The following KCNQ5 variants were observed in gnomAD, a reference collection of about 807,000 sequenced individuals.
The protein encoded by KCNQ5 is potassium voltage-gated channel subfamily Q member 5, also known as potassium voltage-gated channel subfamily KQT member 5.
In KCNQ5, 30 loss-of-function variants were observed where a neutral mutation model predicts 98.2. The ratio of observed to expected loss-of-function variants is 0.31; its 90% confidence interval spans 0.23 to 0.41. The LOEUF is 0.41. KCNQ5 is among the 10% of genes least tolerant of loss of function. KCNQ5 has a pLI of 1.00. For synonymous variants in KCNQ5, 458 were observed against 449.4 expected (o/e 1.02, Z -0.24); for missense variants, 835 against 1,182.5 (o/e 0.71, Z 4.31).
chr6:73,013,304 G>T (rs931139549), intron 2 of KCNQ5, among the ~76,000 whole-genome samples: 1 of 152,054 alleles, frequency 6.6e-6, no homozygotes, highest in Non-Finnish European at 1.5e-5. Context: ...AGTGCTTGTG[G>T]CTTTATATCT....
intron 11 of KCNQ5, among the ~76,000 whole-genome samples, chr6:73,185,052 C>T (rs926435989): frequency 3.9e-5 from 6 of 152,210 alleles, no homozygotes; most frequent in African/African-American, 7.2e-5. Flanking sequence ...ATTCAAGGTT[C>T]TCACACAGTC....
At chr6:72,768,265 G>A (rs1442850046) in intron 1 of KCNQ5, among the ~76,000 whole-genome samples, 1 of 151,832 alleles carries the variant, frequency 6.6e-6, no homozygotes, top group Non-Finnish European at 1.5e-5. Context: ...CCAGATGACT[G>A]ACTATTGAGT....
chr6:72,673,779 A>T (rs1767261297), intron 1 of KCNQ5, among the ~76,000 whole-genome samples: 1 of 152,238 alleles, frequency 6.6e-6, no homozygotes, highest in African/African-American at 2.4e-5. Flanking sequence ...CTATGTTCAC[A>T]TCTTCAACTA....
chr6:72,971,125 T>C (rs545818532), intron 1 of KCNQ5, among the ~76,000 whole-genome samples: 62 of 152,216 alleles, frequency 4.1e-4, no homozygotes, highest in African/African-American at 1.5e-3. Context: ...ATATCCAGAA[T>C]CTACAAAGAA....
chr6:72,957,472 T>C (rs1447479633), intron 1 of KCNQ5, among the ~76,000 whole-genome samples: 1 of 152,006 alleles, frequency 6.6e-6, no homozygotes, highest in Non-Finnish European at 1.5e-5. Flanking sequence ...CACCCAGCCG[T>C]AGGAAGCTTT....
chr6:73,118,550 CA>C (rs1300668647), intron 7 of KCNQ5, among the ~76,000 whole-genome samples: 3 of 152,114 alleles, frequency 2.0e-5, no homozygotes, highest in African/African-American at 7.2e-5. Flanking sequence ...CTTAAATGTT[CA>C]GCTTTCATAG....
intron 1 of KCNQ5, among the ~76,000 whole-genome samples, chr6:72,767,574 T>C (rs539781586): frequency 4.3e-4 from 66 of 152,108 alleles, no homozygotes; most frequent in African/African-American, 1.5e-3. Flanking sequence ...GGAGAAAATA[T>C]TTGCAAATTG....
chr6:73,163,071 G>A (rs1777672135), intron 10 of KCNQ5, among the ~76,000 whole-genome samples: 1 of 152,094 alleles, frequency 6.6e-6, no homozygotes, highest in Admixed American at 6.5e-5. Context: ...ATGAATGAAT[G>A]AATGAATACA....
intron 1 of KCNQ5, chr6:72,806,729 G>T: frequency 2.5e-6 from 1 of 402,796 alleles, no homozygotes. Flanking sequence ...TTTTGATTTG[G>T]CTTGTAACTG....
intron 2 of KCNQ5, among the ~76,000 whole-genome samples, chr6:73,038,084 C>T (rs138422076): frequency 1.4e-4 from 21 of 152,032 alleles, no homozygotes; most frequent in African/African-American, 4.8e-4. Flanking sequence ...TGCACATAAA[C>T]CGTATGTGTT....
At chr6:73,191,385 A>G (rs367603054) in intron 12 of KCNQ5, among the ~76,000 whole-genome samples, 2 of 152,166 alleles carry the variant, frequency 1.3e-5, no homozygotes, top group East Asian at 1.9e-4. Flanking sequence ...TCCTAGTAGC[A>G]TCTTATTGAG....
intron 3 of KCNQ5, among the ~76,000 whole-genome samples, chr6:73,060,187 G>C (rs1448993387): frequency 1.3e-5 from 2 of 152,002 alleles, no homozygotes; most frequent in East Asian, 3.9e-4. Flanking sequence ...TATTCTCTAA[G>C]ACTACTTTTC....
chr6:72,678,442 GC>G (rs1482722972), intron 1 of KCNQ5: 2 of 151,922 alleles, frequency 1.3e-5, no homozygotes, highest in Admixed American at 1.3e-4. Flanking sequence ...AGACCCCAGG[GC>G]TTGTTCTCTT....
intron 1 of KCNQ5, among the ~76,000 whole-genome samples, chr6:72,698,563 C>T (rs1263922198): frequency 1.3e-5 from 2 of 150,216 alleles, no homozygotes; most frequent in Non-Finnish European, 3.0e-5. Flanking sequence ...ATTATATGAA[C>T]ATGTTGAAAG....
intron 1 of KCNQ5, among the ~76,000 whole-genome samples, chr6:72,688,382 A>G (rs150261785): frequency 1.6e-4 from 24 of 152,260 alleles, no homozygotes; most frequent in African/African-American, 5.1e-4. Context: ...GCATTTCTTT[A>G]TCTTTATCCT....
chr6:73,036,786 A>G (rs1051366608), intron 2 of KCNQ5, among the ~76,000 whole-genome samples: 4 of 152,174 alleles, frequency 2.6e-5, no homozygotes, highest in African/African-American at 9.6e-5. Flanking sequence ...TCTGGTCATT[A>G]TGAATACTTC....
intron 9 of KCNQ5, among the ~76,000 whole-genome samples, chr6:73,127,031 G>A (rs927065893): frequency 6.6e-6 from 1 of 152,090 alleles, no homozygotes; most frequent in African/African-American, 2.4e-5. Context: ...TATTATGTAA[G>A]CTTTCACCTT....
At chr6:73,022,946 T>G (rs977735909) in intron 2 of KCNQ5, among the ~76,000 whole-genome samples, 1 of 152,148 alleles carries the variant, frequency 6.6e-6, no homozygotes, top group African/African-American at 2.4e-5. Context: ...TTTTATGTTG[T>G]AAGTGATTGG....
chr6:73,194,176 T>C (rs1765699728), intron 13 of KCNQ5, among the ~76,000 whole-genome samples: 1 of 152,174 alleles, frequency 6.6e-6, no homozygotes, highest in South Asian at 2.1e-4. Context: ...ATAGTGCTTA[T>C]ATGACTTTTA....
Sources: allele counts gnomAD v4.1 joint callset (sites outside exome capture counted in the v4.1 genomes callset), GRCh38; gene constraint gnomAD v4.1.1; transcripts MANE v1.5; gene names NCBI Gene and HGNC (gene_info 2026-07-23, HGNC 2026-07-21).